CNTNAP4: variants seen among roughly 807,000 people sequenced by gnomAD.
CNTNAP4 encodes contactin associated protein family member 4.
In CNTNAP4, 98 loss-of-function variants were observed where a neutral mutation model predicts 148.4. The observed-to-expected ratio is 0.66, with a 90% CI of 0.56 to 0.78. The LOEUF is 0.78. Ranked by LOEUF, CNTNAP4 falls within the 30% of genes least tolerant of loss-of-function variation. The pLI is 0.00. For synonymous variants in CNTNAP4, 730 were observed against 565.1 expected, an observed-to-expected ratio of 1.29 and a Z score of -4.14; for missense variants, 1,935 against 1,565.6, an observed-to-expected ratio of 1.24 and a Z score of -3.98.
chr16:76,447,602 A>T (rs1401565669), intron 4 of CNTNAP4, among the ~76,000 whole-genome samples: 1 of 152,138 alleles, frequency 6.6e-6, no homozygotes, highest in East Asian at 1.9e-4. Flanking sequence ...GACAATATGC[A>T]TTCAGTAGAA....
At chr16:76,472,200 A>G (rs2081401478) in intron 10 of CNTNAP4, among the ~76,000 whole-genome samples, 1 of 151,838 alleles carries the variant, frequency 6.6e-6, no homozygotes, top group Admixed American at 6.6e-5. Context: ...ACAATGGTTT[A>G]GAACATTTGG....
intron 12 of CNTNAP4, 126 bp downstream of exon 12, chr16:76,479,664 G>GA: frequency 1.1e-6 from 1 of 893,558 alleles, no homozygotes; most frequent in Admixed American, 3.3e-5. Flanking sequence ...TTGTTCCTTA[G>GA]AAAAACTGAA....
intron 3 of CNTNAP4, among the ~76,000 whole-genome samples, chr16:76,424,336 A>G (rs1414065363): frequency 6.6e-6 from 1 of 152,154 alleles, no homozygotes; most frequent in Non-Finnish European, 1.5e-5. Flanking sequence ...ACTCTGCAAG[A>G]AATTATAATT....
intron 19 of CNTNAP4, 60 bp downstream of exon 19, chr16:76,538,400 A>G (rs1351918263): frequency 1.6e-6 from 2 of 1,241,800 alleles, no homozygotes; most frequent in Non-Finnish European, 2.3e-6. Flanking sequence ...CTGTAATAAT[A>G]TGGATCATTC....
intron 1 of CNTNAP4, among the ~76,000 whole-genome samples, chr16:76,282,074 AAAG>A (rs1958710042): frequency 6.6e-6 from 1 of 151,898 alleles, no homozygotes; most frequent in African/African-American, 2.4e-5. Flanking sequence ...TAAGACATGA[AAAG>A]TGTATAAATT....
intron 3 of CNTNAP4, among the ~76,000 whole-genome samples, chr16:76,416,292 T>C (rs1315421114): frequency 4.6e-5 from 7 of 151,376 alleles, no homozygotes; most frequent in African/African-American, 1.7e-4. Flanking sequence ...AAAATTTCTT[T>C]CCTTCTGCAT....
At chr16:76,489,363 T>C (rs968270629) in intron 12 of CNTNAP4, among the ~76,000 whole-genome samples, 4 of 152,162 alleles carry the variant, frequency 2.6e-5, no homozygotes, top group African/African-American at 9.7e-5. Context: ...GGAATATCGA[T>C]TTCAATGAAA....
intron 15 of CNTNAP4, among the ~76,000 whole-genome samples, chr16:76,512,461 G>A (rs947481522): frequency 2.0e-5 from 3 of 152,144 alleles, no homozygotes; most frequent in African/African-American, 7.2e-5. Flanking sequence ...GTTGTAGTTT[G>A]CAAAAGGAAA....
intron 16 of CNTNAP4, among the ~76,000 whole-genome samples, chr16:76,521,802 T>C (rs142100832): frequency 6.8e-4 from 53 of 78,204 alleles, no homozygotes; most frequent in African/African-American, 2.6e-3. Flanking sequence ...AGGAGGACTA[T>C]CTTAGAATAC....
chr16:76,515,630 C>T (rs932019463), intron 15 of CNTNAP4, among the ~76,000 whole-genome samples: 19 of 152,104 alleles, frequency 1.2e-4, no homozygotes, highest in African/African-American at 4.3e-4. Flanking sequence ...TTATGGCAGC[C>T]TGGGCAGACT....
At chr16:76,535,476 T>C in intron 17 of CNTNAP4, 69 bp from the exon 18 acceptor site, 1 of 1,547,580 alleles carries the variant, frequency 6.5e-7, no homozygotes. Context: ...GGCCTCAGTT[T>C]TGTTTGGTCT....
At chr16:76,294,984 G>C (rs2143866757) in intron 1 of CNTNAP4, among the ~76,000 whole-genome samples, 1 of 152,262 alleles carries the variant, frequency 6.6e-6, no homozygotes, top group South Asian at 2.1e-4. Flanking sequence ...TGCTTATAGG[G>C]GGGCCGGTGT....
At chr16:76,392,758 A>G (rs1051279625) in intron 3 of CNTNAP4, among the ~76,000 whole-genome samples, 4 of 152,160 alleles carry the variant, frequency 2.6e-5, no homozygotes, top group African/African-American at 9.7e-5. Flanking sequence ...GGGACATGGA[A>G]TTTGGATTTT....
intron 15 of CNTNAP4, among the ~76,000 whole-genome samples, chr16:76,513,138 C>T (rs1041837580): frequency 6.6e-6 from 1 of 152,074 alleles, no homozygotes; most frequent in African/African-American, 2.4e-5. Flanking sequence ...GTAAATAAAT[C>T]CCTGCATTGT....
intron 2 of CNTNAP4, among the ~76,000 whole-genome samples, chr16:76,341,752 T>C (rs930852828): frequency 2.6e-5 from 4 of 152,144 alleles, no homozygotes; most frequent in Non-Finnish European, 2.9e-5. Context: ...AAAAAAATCA[T>C]TGTAGCCACA....
At chr16:76,376,907 T>TGTGTGTGTGTGTGTG (rs2015471306) in intron 3 of CNTNAP4, among the ~76,000 whole-genome samples, 18 of 143,546 alleles carry the variant, frequency 1.3e-4, no homozygotes, top group African/African-American at 3.6e-4. Context: ...CTAACAAGGT[T>TGTGTGTGTGTGTGTG]TGTGTGTGTG....
chr16:76,430,500 C>T (rs1368356845), intron 4 of CNTNAP4, among the ~76,000 whole-genome samples: 1 of 152,162 alleles, frequency 6.6e-6, no homozygotes, highest in African/African-American at 2.4e-5. Flanking sequence ...TTTCCCCAGA[C>T]ACAAAAGACT....
At chr16:76,468,213 C>T (rs1413883965) in intron 10 of CNTNAP4, among the ~76,000 whole-genome samples, 1 of 152,064 alleles carries the variant, frequency 6.6e-6, no homozygotes, top group Non-Finnish European at 1.5e-5. Context: ...GTGGCTCATG[C>T]CTGTAATCCC....
chr16:76,289,577 G>A (rs1426794617), intron 1 of CNTNAP4, among the ~76,000 whole-genome samples: 6 of 138,096 alleles, frequency 4.3e-5, no homozygotes, highest in Non-Finnish European at 7.7e-5. Context: ...TTTATTTTCC[G>A]CCTGTTTTTT....
Sources: allele counts gnomAD v4.1 joint callset (sites outside exome capture counted in the v4.1 genomes callset), GRCh38; gene constraint gnomAD v4.1.1; transcripts MANE v1.5; gene names NCBI Gene and HGNC (gene_info 2026-07-23, HGNC 2026-07-21).